The following CSMD1 variants were observed in gnomAD, a reference collection of about 807,000 sequenced individuals.
CSMD1 encodes the protein CUB and Sushi multiple domains 1.
A neutral mutation model predicts 417.5 loss-of-function variants in CSMD1; 213 were observed. The observed-to-expected ratio is 0.51, with a 90% CI of 0.46 to 0.57. CSMD1 has a LOEUF of 0.57. Among genes scored for constraint, CSMD1 ranks in the 20% least tolerant of loss-of-function variants. CSMD1 has a pLI of 0.00. For synonymous variants in CSMD1, 2,862 were observed against 1,736.8 expected, an observed-to-expected ratio of 1.65 and a Z score of -16.11; for missense variants, 6,923 against 4,529.7, an observed-to-expected ratio of 1.53 and a Z score of -15.17.
chr8:4,316,698 ATG>A (rs1237922648), intron 3 of CSMD1, among the ~76,000 whole-genome samples: 2 of 152,076 alleles, frequency 1.3e-5, no homozygotes, highest in Non-Finnish European at 2.9e-5. Flanking sequence ...GGCTTCCTTT[ATG>A]TGTTTCAAAA....
At chr8:4,438,247 T>C (rs1798259493) in intron 2 of CSMD1, among the ~76,000 whole-genome samples, 1 of 152,218 alleles carries the variant, frequency 6.6e-6, no homozygotes, top group Admixed American at 6.5e-5. Context: ...GTCTTGTTTT[T>C]AGAGTGCAGT....
intron 1 of CSMD1, among the ~76,000 whole-genome samples, chr8:4,668,466 T>TATTA (rs1805088785): frequency 2.0e-5 from 3 of 146,706 alleles, no homozygotes; most frequent in South Asian, 2.1e-4. Context: ...TTATTATTAT[T>TATTA]TGAGATGGAG....
At chr8:3,388,896 TAC>T (rs6150441) in intron 17 of CSMD1, among the ~76,000 whole-genome samples, 14,824 of 146,834 alleles carry the variant, frequency 0.1, 813 homozygotes, top group Non-Finnish European at 0.14. Context: ...CACACATGCA[TAC>T]ACACACACAC....
At chr8:3,962,046 G>C (rs1243013814) in intron 5 of CSMD1, among the ~76,000 whole-genome samples, 2 of 152,188 alleles carry the variant, frequency 1.3e-5, no homozygotes, top group Non-Finnish European at 2.9e-5. Flanking sequence ...TCCTGGACAT[G>C]TGAGAAGGTG....
chr8:3,313,285 A>T (rs1377677443), intron 23 of CSMD1, among the ~76,000 whole-genome samples: 1 of 152,234 alleles, frequency 6.6e-6, no homozygotes, highest in Non-Finnish European at 1.5e-5. Flanking sequence ...GGATTAAACT[A>T]ACGAGGTTCT....
intron 25 of CSMD1, among the ~76,000 whole-genome samples, chr8:3,303,640 A>C (rs947458168): frequency 8.5e-5 from 13 of 152,224 alleles, no homozygotes; most frequent in Non-Finnish European, 1.6e-4. Flanking sequence ...ATTAAAGCTT[A>C]GGAACAGTGT....
chr8:4,203,794 G>C lies in CSMD1; in HGVS notation c.416-171695C>G, dbSNP rs542032695. Among the ~76,000 whole-genome samples the C allele has an allele frequency of 5.4e-4, 82 of 152,222 alleles. 1 individual carries two copies. In the South Asian group the frequency reaches 0.012, roughly 22 times the overall value. The stretch of plus-strand genomic sequence containing the variant: ...TATGTACATATACATAAGCTAATTT[G>C]AGGATGGATTAAAACTAAAACTTGG... On this transcript the variant is annotated intron_variant, in intron 3 of 69. Coordinates refer to ENST00000635120, the MANE Select transcript of CSMD1 (RefSeq NM_033225.6).
chr8:4,041,109 C>CTG (rs1563353111), intron 3 of CSMD1, among the ~76,000 whole-genome samples: 12 of 150,062 alleles, frequency 8.0e-5, no homozygotes, highest in Non-Finnish European at 1.0e-4. Flanking sequence ...CTCCGCCTCC[C>CTG]GGGTTCCCGC....
Position 3,475,974 on chromosome 8 carries a change from A to G in CSMD1, c.1449-7150T>C, listed in dbSNP as rs536352360. Among the ~76,000 whole-genome samples, 193 of 152,302 alleles carry G rather than the reference A, an allele frequency of 1.3e-3. 1 individual carries two copies. Among genetic ancestry groups the G allele is most frequent in the Non-Finnish European group, 2.5e-3 (173 of 68,034 alleles). On this transcript the variant is annotated intron_variant, in intron 11 of 69. Transcript: ENST00000635120. The stretch of plus-strand genomic sequence containing the variant: ...TCATTTTACTGTGTAGACAAGAACA[A>G]TTTCATCTCTGATCAAATCTTCCCT...
In CSMD1 at chr8:4,780,946, C is replaced by T. The variant is rs146462003; in HGVS notation, c.86-143388G>A. On this transcript the variant is annotated intron_variant, in intron 1 of 69. Coordinates refer to ENST00000635120, the MANE Select transcript of CSMD1 (RefSeq NM_033225.6). ...TTTAAAAGCATAAGTCTTTATAAGG[C>T]TCAAGCAATGACCTGTTTTTGTCAC... 9.6e-4 allele frequency among the ~76,000 whole-genome samples: 146 copies of T among 152,298 alleles called. 1 individual carries two copies. The Middle Eastern group carries it at 0.014, about 14-fold the overall frequency.
At chr8:4,740,688 G>A (rs1026951308) in intron 1 of CSMD1, among the ~76,000 whole-genome samples, 1 of 152,206 alleles carries the variant, frequency 6.6e-6, no homozygotes, top group African/African-American at 2.4e-5. Context: ...TCTACTCAAG[G>A]AGGGTGAGGT....
chr8:4,205,937 C>T (rs1329219099), intron 3 of CSMD1, among the ~76,000 whole-genome samples: 1 of 152,092 alleles, frequency 6.6e-6, no homozygotes, highest in Non-Finnish European at 1.5e-5. Context: ...TTTCTGACTC[C>T]CAAGTTACTT....
intron 1 of CSMD1, among the ~76,000 whole-genome samples, chr8:4,725,286 ATTAC>A (rs1809352436): frequency 6.6e-6 from 1 of 152,156 alleles, no homozygotes. Flanking sequence ...CCAAGATCTG[ATTAC>A]TTTTCTTCAA....
At chr8:2,950,136 T>A (rs1370088796) in intron 67 of CSMD1, 95 bp downstream of exon 67, 6 of 792,428 alleles carry the variant, frequency 7.6e-6, no homozygotes, top group Admixed American at 4.0e-5. Context: ...ACAAGACAGC[T>A]CTACTCAGAA....
At position 4,994,514 on chromosome 8, in the gene CSMD1, C is replaced by T. The variant is rs1023620079; in HGVS notation, c.-98G>A. On this transcript the variant is annotated 5_prime_UTR_variant, in exon 1 of 70. Transcript: ENST00000635120. ...ATAATCACCCGAGGGCAAGGCGAGC[C>T]GGAGAGAGAGCCCGGTCCCAAGACC... 3 of 1,129,524 alleles carry T rather than the reference C, an allele frequency of 2.7e-6. No homozygotes were observed. Among genetic ancestry groups the T allele is most frequent in the East Asian group, 5.1e-5 (2 of 39,136 alleles). The allele number at this position is 1,129,524 out of a possible 1,614,324, so 70.0% of individuals were successfully genotyped here. A position where few individuals can be genotyped will look rare whatever the true frequency, so the allele number is the denominator to read the frequency against.
At chr8:3,690,174 C>A (rs1800162158) in intron 7 of CSMD1, among the ~76,000 whole-genome samples, 1 of 152,170 alleles carries the variant, frequency 6.6e-6, no homozygotes, top group Non-Finnish European at 1.5e-5. Flanking sequence ...GCCTGGGCAA[C>A]AGGGCAAGGC....
intron 1 of CSMD1, among the ~76,000 whole-genome samples, chr8:4,728,656 A>G (rs1809633436): frequency 6.6e-6 from 1 of 152,196 alleles, no homozygotes. Context: ...AATCTTAACT[A>G]GTTAATATTG....
At chr8:3,453,835 G>T (rs1486566084) in intron 12 of CSMD1, among the ~76,000 whole-genome samples, 2 of 152,100 alleles carry the variant, frequency 1.3e-5, no homozygotes, top group Admixed American at 6.6e-5. Flanking sequence ...GATCTGCTTG[G>T]TGCAGAGCTG....
intron 25 of CSMD1, 22 bp from the exon 26 acceptor site, chr8:3,284,368 C>T (rs973717121): frequency 6.3e-6 from 10 of 1,580,090 alleles, no homozygotes; most frequent in Non-Finnish European, 8.7e-6. Context: ...AACACAGTAG[C>T]GCTACTTGCC....
Sources: gnomAD v4.1 joint callset for allele counts (sites outside exome capture counted in the v4.1 genomes callset) on GRCh38, gnomAD v4.1.1 for gene constraint, MANE v1.5 for transcripts, NCBI Gene and HGNC (gene_info 2026-07-23, HGNC 2026-07-21) for gene names.